The following ECI1 variants were observed in gnomAD, a reference collection of about 807,000 sequenced individuals.
ECI1 encodes enoyl-CoA delta isomerase 1, mitochondrial.
ECI1 carries 34 observed loss-of-function variants against 34.2 expected under a neutral mutation model. That is an observed-to-expected ratio of 1.00 (90% CI 0.76 to 1.33). The LOEUF (loss-of-function observed/expected upper bound fraction) is 1.33, where lower values mean the gene tolerates loss of function less well. Ranked by LOEUF, ECI1 falls within the 40% of genes most tolerant of loss-of-function variation. The pLI is 0.00. For missense variants in ECI1, 456 were observed against 422.2 expected (o/e 1.08, Z -0.70); for synonymous variants, 211 against 193.0 (o/e 1.09, Z -0.77).
chr16:2,247,999 G>T (rs893440528), intron 2 of ECI1, among the ~76,000 whole-genome samples: 3 of 151,998 alleles, frequency 2.0e-5, no homozygotes, highest in Admixed American at 2.0e-4. Flanking sequence ...TGAGCCCTTG[G>T]TTTTTTACAT....
intron 6 of ECI1, 101 bp from the exon 7 acceptor site, chr16:2,240,246 C>G: frequency 7.4e-7 from 1 of 1,345,332 alleles, no homozygotes. Context: ...GAGTCTTGCT[C>G]TGTCGCCCAG....
chr16:2,247,036 A>G (rs763622996), intron 2 of ECI1, 50 bp from the exon 3 acceptor site: 1 of 1,598,624 alleles, frequency 6.3e-7, no homozygotes, highest in Non-Finnish European at 8.5e-7. Flanking sequence ...CTGGAAAAGC[A>G]GCCTGACCAG....
Position 2,244,390 on chromosome 16 carries a change from G to A in ECI1, c.441+16C>T. The A allele has an allele frequency of 6.2e-7, 1 of 1,611,260 alleles. No individual in the cohort carries two copies. Among genetic ancestry groups the A allele is most frequent in the South Asian group, 1.1e-5 (1 of 90,516 alleles). Reference sequence around the variant, plus strand: ...CAGAACAGCCAGCGAGGCCACCTGGGAGTGGGGACACTCACGTTGATGGCG... The same window carrying A: ...CAGAACAGCCAGCGAGGCCACCTGGAAGTGGGGACACTCACGTTGATGGCG... On this transcript the variant is annotated intron_variant, in intron 4 of 6. Transcript: ENST00000301729.
intron 3 of ECI1, among the ~76,000 whole-genome samples, chr16:2,245,828 T>C (rs1031482845): frequency 6.6e-6 from 1 of 151,818 alleles, no homozygotes; most frequent in Non-Finnish European, 1.5e-5. Flanking sequence ...ACGTGGGCAA[T>C]AAAGGCACTG....
intron 3 of ECI1, among the ~76,000 whole-genome samples, chr16:2,245,393 G>A (rs1193550682): frequency 3.3e-5 from 5 of 152,248 alleles, no homozygotes; most frequent in East Asian, 3.9e-4. Flanking sequence ...CCTAATGTGT[G>A]CGAGGAGGAG....
At chr16:2,247,121 G>A in intron 2 of ECI1, 135 bp from the exon 3 acceptor site, 1 of 1,162,486 alleles carries the variant, frequency 8.6e-7, no homozygotes, top group East Asian at 2.6e-5. Context: ...TTTAGAGACA[G>A]AGTCTCGCTC....
At chr16:2,245,852 T>C (rs1457446363) in intron 3 of ECI1, among the ~76,000 whole-genome samples, 1 of 151,944 alleles carries the variant, frequency 6.6e-6, no homozygotes, top group Admixed American at 6.6e-5. Flanking sequence ...CTCCCAAAAA[T>C]TTTAAAAATT....
rs569071971 is a variant in ECI1, at chr16:2,251,040, G to C, written c.166+276C>G. The stretch of plus-strand genomic sequence containing the variant: ...TCATCATGTTGGCCAGGCTGATCTC[G>C]AACTCCTGACCTCAGGTGATCCGCC... On this transcript the variant is annotated intron_variant, in intron 2 of 6. Transcript: ENST00000301729. Among the ~76,000 whole-genome samples, 13 of 152,190 alleles carry C rather than the reference G, an allele frequency of 8.5e-5. No individual in the cohort carries two copies. The South Asian group carries it at 1.9e-3, about 22-fold the overall frequency.
Position 2,239,972 on chromosome 16 carries a change from C to T in ECI1, c.*7G>A, listed in dbSNP as rs748477773. 1 of 1,613,562 alleles carries T rather than the reference C, an allele frequency of 6.2e-7. No homozygotes were observed. On this transcript the variant is annotated 3_prime_UTR_variant, in exon 7 of 7. Transcript: ENST00000301729. ...CGTGTGGCCGTAAGCCTGTGGCAGC[C>T]CAATCGTTAGCCTTTTTCTTCTTTG...
chr16:2,240,694 A>T (rs2093526192), intron 6 of ECI1: 1 of 152,402 alleles, frequency 6.6e-6, no homozygotes, highest in Admixed American at 6.5e-5. Flanking sequence ...CTAATTTTGT[A>T]TTATTTATTT....
At position 2,246,935 on chromosome 16, in the gene ECI1, T is replaced by C. The variant is rs773718798; in HGVS notation, c.218A>G (p.Glu73Gly). 6.2e-7 allele frequency: 1 copy of C among 1,613,816 alleles called. No individual in the cohort carries two copies. Among genetic ancestry groups the C allele is most frequent in the East Asian group, 2.2e-5 (1 of 44,866 alleles). ...GCTGATGACCAGCTCCGTCAGAAACTCCAGGCTCAGGCTGTTCACTGGGGG... is the reference window on the plus strand; with the variant it reads ...GCTGATGACCAGCTCCGTCAGAAACCCCAGGCTCAGGCTGTTCACTGGGGG... ...KNPPVNSLSL[E>G]FLTELVISLE... The change falls in exon 3 of 7, where the codon GAG (glutamate) becomes GGG (glycine). Residue 73 changes from glutamate to glycine, a missense_variant. Transcript: ENST00000301729.
chr16:2,251,137 CAG>C (rs987076331), intron 2 of ECI1, among the ~76,000 whole-genome samples, 177 bp downstream of exon 2: 5 of 152,238 alleles, frequency 3.3e-5, no homozygotes, highest in African/African-American at 1.2e-4. Context: ...ACTTTAAAAA[CAG>C]AAACTTTTAT....
intron 2 of ECI1, among the ~76,000 whole-genome samples, chr16:2,249,339 G>A (rs564092637): frequency 3.3e-5 from 5 of 151,956 alleles, no homozygotes; most frequent in Admixed American, 6.6e-5. Flanking sequence ...GGGAGCCACC[G>A]GGCCCGGACT....
chr16:2,245,618 A>G (rs991383338), intron 3 of ECI1, among the ~76,000 whole-genome samples: 2 of 152,140 alleles, frequency 1.3e-5, no homozygotes, highest in African/African-American at 4.8e-5. Context: ...GTAATCCCAG[A>G]GCTTTGGGAG....
In ECI1 at chr16:2,245,468, G is replaced by A. The variant is rs183069099; in HGVS notation, c.295-916C>T. 1.2e-4 allele frequency among the ~76,000 whole-genome samples: 18 copies of A among 152,356 alleles called. 1 individual carries two copies. Among genetic ancestry groups the A allele is most frequent in the East Asian group, 9.6e-4 (5 of 5,186 alleles). On this transcript the variant is annotated intron_variant, in intron 3 of 6. Transcript: ENST00000301729. ...GATGTGAAAAAGCCAGGAACGGTGC[G>A]GGTGGGCAACGCAGCTCCGCTGTTC...
chr16:2,241,152 C>CAAA (rs1389577220), intron 6 of ECI1: 1 of 21,162 alleles, frequency 4.7e-5, no homozygotes, highest in Admixed American at 7.0e-4. Flanking sequence ...GACTCCATCT[C>CAAA]AAAAAAAATA....
At chr16:2,246,036 G>A (rs1283059616) in intron 3 of ECI1, among the ~76,000 whole-genome samples, 1 of 152,134 alleles carries the variant, frequency 6.6e-6, no homozygotes, top group Non-Finnish European at 1.5e-5. Context: ...GAGGTCAGGA[G>A]TTCTAGGCCA....
At chr16:2,248,093 TTCTCTC>T (rs200472245) in intron 2 of ECI1, among the ~76,000 whole-genome samples, 1 of 152,166 alleles carries the variant, frequency 6.6e-6, no homozygotes, top group Non-Finnish European at 1.5e-5. Context: ...CATTCTCTCT[TTCTCTC>T]TCTATCATTT....
In ECI1 at chr16:2,246,961, G is replaced by T. The variant is rs763564542; in HGVS notation, c.192C>A (p.Asn64Lys). 2.0e-5 allele frequency: 32 copies of T among 1,613,578 alleles called. No individual in the cohort carries two copies. The highest frequency in any genetic ancestry group is 3.3e-5 in the South Asian group (3 of 91,086). The change falls in exon 3 of 7, where the codon AAC (asparagine) becomes AAA (lysine). Residue 64 changes from asparagine to lysine, a missense_variant. Asn to Lys is a moderately conservative substitution (Grantham distance 94). Transcript: ENST00000301729. ...GAGVAVMKFK[N>K]PPVNSLSLEF... Reference sequence around the variant, plus strand: ...CCAGGCTCAGGCTGTTCACTGGGGGGTTCTTGAATTTCATCACAGCGACCC... The same window carrying T: ...CCAGGCTCAGGCTGTTCACTGGGGGTTTCTTGAATTTCATCACAGCGACCC...
Sources: gnomAD v4.1 joint callset for allele counts (sites outside exome capture counted in the v4.1 genomes callset) on GRCh38, gnomAD v4.1.1 for gene constraint, MANE v1.5 for transcripts, NCBI Gene and HGNC (gene_info 2026-07-23, HGNC 2026-07-21) for gene names.